Variants in COL11A1 observed in about 807,000 individuals in gnomAD.
The protein encoded by COL11A1 is collagen alpha-1(XI) chain.
In COL11A1, 74 loss-of-function variants were observed where a neutral mutation model predicts 265.2. The observed-to-expected ratio is 0.28, with a 90% CI of 0.23 to 0.34. COL11A1 has a LOEUF of 0.34. Among genes scored for constraint, COL11A1 ranks in the 10% least tolerant of loss-of-function variants. The probability of loss-of-function intolerance (pLI) is 1.00; values close to 1 mark genes in which losing one functional copy is unlikely to be tolerated. For missense variants in COL11A1, 2,165 were observed against 2,263.6 expected, an observed-to-expected ratio of 0.96 and a Z score of 0.88; for synonymous variants, 816 against 727.6, an observed-to-expected ratio of 1.12 and a Z score of -1.96.
rs572790656 is a variant in COL11A1 at position 103,028,201 on chromosome 1, T to C, written c.781-1869A>G. On this transcript the variant is annotated intron_variant, in intron 5 of 66. Coordinates refer to ENST00000370096, the MANE Select transcript of COL11A1 (RefSeq NM_001854.4). ...GCCTGACACCATGCCCGGCTAATTT[T>C]TTAAACATTTTTAGTAGAGAGAGGG... is the stretch of plus-strand genomic sequence containing the variant. Among the ~76,000 whole-genome samples the C allele has an allele frequency of 5.3e-5, 8 of 152,152 alleles. No homozygotes were observed. In the East Asian group the frequency reaches 1.2e-3, roughly 22 times the overall value.
intron 4 of COL11A1, among the ~76,000 whole-genome samples, chr1:103,037,264 G>T (rs778045210): frequency 0.035 from 5,104 of 146,534 alleles, 112 homozygotes; most frequent in Middle Eastern, 0.092. Flanking sequence ...GTGTGTGTGT[G>T]TGTGTGTGTG....
intron 58 of COL11A1, 23 bp from the exon 59 acceptor site, chr1:102,889,585 AT>A (rs770304922): frequency 9.3e-6 from 14 of 1,506,598 alleles, no homozygotes; most frequent in Non-Finnish European, 1.3e-5. Context: ...GAGAAAAAAA[AT>A]AATAACATGT....
Position 102,879,931 on chromosome 1 carries a change from A to T in COL11A1, c.5041-15T>A. 6.6e-7 allele frequency: 1 copy of T among 1,511,576 alleles called. No homozygotes were observed. The highest frequency in any genetic ancestry group is 9.2e-7 in the Non-Finnish European group (1 of 1,086,972). The allele number at this position is 1,511,576 out of a possible 1,614,324, so 93.6% of individuals were successfully genotyped here. A position where few individuals can be genotyped will look rare whatever the true frequency, so the allele number is the denominator to read the frequency against. On this transcript the variant is annotated splice_polypyrimidine_tract_variant and intron_variant, in intron 65 of 66. Transcript: ENST00000370096. ...AAGTATGAAAGCTAGGAATAAAGGA[A>T]TAAAAAGACACCTAATGACTCTTTT...
At chr1:103,055,017 T>C (rs369921234) in intron 4 of COL11A1, among the ~76,000 whole-genome samples, 10 of 152,192 alleles carry the variant, frequency 6.6e-5, no homozygotes, top group Admixed American at 2.0e-4. Flanking sequence ...ATAGGATGCA[T>C]AGCACTGTTA....
chr1:103,008,535 G>T lies in COL11A1; in HGVS notation c.1630-19C>A. 1 of 1,608,382 alleles carries T rather than the reference G, an allele frequency of 6.2e-7. No homozygotes were observed. The highest frequency in any genetic ancestry group is 8.5e-7 in the Non-Finnish European group (1 of 1,174,924). ...GCCCCCCCTATAGAGAAAAAGTGAAGATATTTCACTTAATTTAGCAATTTC... is the reference window on the plus strand; with the variant it reads ...GCCCCCCCTATAGAGAAAAAGTGAATATATTTCACTTAATTTAGCAATTTC... On this transcript the variant is annotated intron_variant, in intron 14 of 66. Transcript: ENST00000370096.
rs1001511466 is a variant in COL11A1 at position 103,012,261 on chromosome 1, T to C, written c.1629+152A>G. 25 of 633,334 alleles carry C rather than the reference T, an allele frequency of 3.9e-5. No individual in the cohort carries two copies. The African/African-American group carries it at 4.4e-4, about 11-fold the overall frequency. The allele number at this position is 633,334 out of a possible 1,614,324, so 39.2% of individuals were successfully genotyped here. On this transcript the variant is annotated intron_variant, in intron 14 of 66. Transcript: ENST00000370096. ...GATCAAAATGTACAGAAAACTGAATTGAGAAGGATTTTTTTAATGGAAACA... is the reference window on the plus strand; with the variant it reads ...GATCAAAATGTACAGAAAACTGAATCGAGAAGGATTTTTTTAATGGAAACA...
At position 102,889,440 on chromosome 1, in the gene COL11A1, T is replaced by C. The variant is rs774699566; in HGVS notation, c.4464+15A>G. On this transcript the variant is annotated intron_variant, in intron 59 of 66. Coordinates refer to ENST00000370096, the MANE Select transcript of COL11A1 (RefSeq NM_001854.4). ...TTGGAAATGAGTAGAAAAAATAACC[T>C]ATATTTTTACTCACCCCATCCCCTT... The C allele has an allele frequency of 4.6e-6, 7 of 1,528,176 alleles. No individual in the cohort carries two copies. In the African/African-American group the frequency reaches 5.5e-5, roughly 12 times the overall value. The allele number at this position is 1,528,176 out of a possible 1,614,324, so 94.7% of individuals were successfully genotyped here.
At position 103,093,880 on chromosome 1, in the gene COL11A1, C is replaced by T. The variant is rs114534058; in HGVS notation, c.107-10908G>A. ...GGGTCATAAGGATTTTTAAGGCTCA[C>T]TCACATGGTACTGTATGGAAAGCAC... On this transcript the variant is annotated intron_variant, in intron 1 of 66. Coordinates refer to ENST00000370096, the MANE Select transcript of COL11A1 (RefSeq NM_001854.4). Among the ~76,000 whole-genome samples, 862 of 152,172 alleles carry T rather than the reference C, an allele frequency of 5.7e-3. 5 individuals carry two copies. The highest frequency in any genetic ancestry group is 0.019 in the African/African-American group (772 of 41,520).
chr1:102,924,082 G>T lies in COL11A1; in HGVS notation c.3601-693C>A, dbSNP rs539456539. Among the ~76,000 whole-genome samples, 4 of 151,570 alleles carry T rather than the reference G, an allele frequency of 2.6e-5. No individual in the cohort carries two copies. The East Asian group carries it at 7.8e-4, about 29-fold the overall frequency. ...AAAAAAAAAAAAAAATTAGCCGGGCGTGGTGGCAGGCGACTGTAGTCACAG... is the reference window on the plus strand; with the variant it reads ...AAAAAAAAAAAAAAATTAGCCGGGCTTGGTGGCAGGCGACTGTAGTCACAG... On this transcript the variant is annotated intron_variant, in intron 46 of 66. Coordinates refer to ENST00000370096, the MANE Select transcript of COL11A1 (RefSeq NM_001854.4).
intron 1 of COL11A1, among the ~76,000 whole-genome samples, chr1:103,084,810 C>A (rs1672725724): frequency 6.6e-6 from 1 of 152,098 alleles, no homozygotes; most frequent in South Asian, 2.1e-4. Context: ...TTGAGCAAAT[C>A]AACTTTAATG....
chr1:103,095,583 T>C (rs1241964547), intron 1 of COL11A1, among the ~76,000 whole-genome samples: 4 of 152,078 alleles, frequency 2.6e-5, no homozygotes, highest in South Asian at 4.2e-4. Context: ...GCCCAGAATG[T>C]TGAAAGAAAT....
intron 41 of COL11A1, among the ~76,000 whole-genome samples, chr1:102,960,966 G>A (rs1256150875): frequency 6.6e-6 from 1 of 152,106 alleles, no homozygotes; most frequent in African/African-American, 2.4e-5. Context: ...CAAAGAGAAA[G>A]GAAGAGGAAA....
intron 47 of COL11A1, 78 bp from the exon 48 acceptor site, chr1:102,921,649 A>T (rs1656001796): frequency 2.4e-6 from 3 of 1,236,246 alleles, no homozygotes; most frequent in Non-Finnish European, 3.5e-6. Flanking sequence ...TGACTGAAAA[A>T]TCTAAAAGAA....
chr1:103,092,422 C>A (rs919912651), intron 1 of COL11A1, among the ~76,000 whole-genome samples: 2 of 151,944 alleles, frequency 1.3e-5, no homozygotes, highest in African/African-American at 2.4e-5. Flanking sequence ...AAAATAGGCA[C>A]AAATAAAGTA....
In COL11A1 at chr1:102,947,510, T is replaced by A. The variant is rs114193805; in HGVS notation, c.3169-554A>T. On this transcript the variant is annotated intron_variant, in intron 41 of 66. Coordinates refer to ENST00000370096, the MANE Select transcript of COL11A1 (RefSeq NM_001854.4). ...TCACTATCCTAAAGTCTGGACGTTT[T>A]CCCAAAGGATAAGCTATTAAATTCA... is the stretch of plus-strand genomic sequence containing the variant. Among the ~76,000 whole-genome samples, 1,362 of 152,246 alleles carry A rather than the reference T, an allele frequency of 8.9e-3. 20 individuals are homozygous for A. The highest frequency in any genetic ancestry group is 0.031 in the African/African-American group (1,298 of 41,564).
intron 14 of COL11A1, among the ~76,000 whole-genome samples, chr1:103,009,936 T>C (rs1484682522): frequency 3.3e-5 from 5 of 152,186 alleles, no homozygotes; most frequent in African/African-American, 1.2e-4. Context: ...ATCACTGAAT[T>C]GAATGCAATT....
At chr1:103,065,837 A>G (rs1671095473) in intron 4 of COL11A1, among the ~76,000 whole-genome samples, 1 of 152,144 alleles carries the variant, frequency 6.6e-6, no homozygotes, top group Admixed American at 6.5e-5. Context: ...AATTAAAACA[A>G]AATTATGACA....
intron 1 of COL11A1, chr1:103,100,595 A>C (rs1416577246): frequency 6.6e-6 from 1 of 152,008 alleles, no homozygotes; most frequent in Non-Finnish European, 1.5e-5. Context: ...CCTTGAAGGC[A>C]GTCAAGTTAT....
chr1:103,036,291 T>C (rs1668360213), intron 4 of COL11A1, among the ~76,000 whole-genome samples: 1 of 145,994 alleles, frequency 6.8e-6, no homozygotes, highest in Non-Finnish European at 1.5e-5. Flanking sequence ...ATCAAGTGAA[T>C]CTATTGCTGA....
Sources: allele counts gnomAD v4.1 joint callset (sites outside exome capture counted in the v4.1 genomes callset), GRCh38; gene constraint gnomAD v4.1.1; transcripts MANE v1.5; gene names NCBI Gene and HGNC (gene_info 2026-07-23, HGNC 2026-07-21).